The following EYS variants were observed in gnomAD, a reference collection of about 807,000 sequenced individuals.
EYS encodes protein eyes shut homolog.
Under a neutral mutation model 282.1 loss-of-function variants are expected in EYS, and 250 were observed. The ratio of observed to expected loss-of-function variants is 0.89; its 90% CI spans 0.80 to 0.98. The LOEUF (loss-of-function observed/expected upper bound fraction) is 0.98, where lower values mean the gene tolerates loss of function less well. Ranked by LOEUF, EYS falls within the 50% of genes least tolerant of loss-of-function variation. The probability of loss-of-function intolerance (pLI) is 0.00; values close to 1 mark genes in which losing one functional copy is unlikely to be tolerated. For synonymous variants in EYS, 1,355 were observed against 1,282.9 expected, an observed-to-expected ratio of 1.06 and a Z score of -1.20; for missense variants, 4,016 against 3,709.0, an observed-to-expected ratio of 1.08 and a Z score of -2.15.
chr6:64,347,560 T>C (rs1208903030), intron 29 of EYS, among the ~76,000 whole-genome samples: 1 of 149,670 alleles, frequency 6.7e-6, no homozygotes, highest in Non-Finnish European at 1.5e-5. Flanking sequence ...CATACTACTC[T>C]ATCTACTTAT....
chr6:64,488,903 G>T (rs1776653138), intron 26 of EYS, among the ~76,000 whole-genome samples: 1 of 150,862 alleles, frequency 6.6e-6, no homozygotes. Flanking sequence ...CTCGTAAAGT[G>T]ATTTGTATGG....
chr6:64,707,991 T>C (rs769052252), intron 22 of EYS, among the ~76,000 whole-genome samples: 6 of 151,988 alleles, frequency 3.9e-5, no homozygotes, highest in Non-Finnish European at 8.8e-5. Context: ...TGCATAAAAT[T>C]ATATAAAATA....
At chr6:65,333,748 C>CAT (rs542531237) in intron 11 of EYS, among the ~76,000 whole-genome samples, 30 of 151,524 alleles carry the variant, frequency 2.0e-4, no homozygotes, top group African/African-American at 3.1e-4. Context: ...TATACACACA[C>CAT]ATATATGTTT....
At chr6:65,067,899 G>C (rs1275171558) in intron 12 of EYS, among the ~76,000 whole-genome samples, 1 of 152,046 alleles carries the variant, frequency 6.6e-6, no homozygotes, top group Non-Finnish European at 1.5e-5. Context: ...GTTTCAGTAA[G>C]GGATATGCTT....
intron 22 of EYS, among the ~76,000 whole-genome samples, chr6:64,684,226 G>A (rs1770004608): frequency 1.3e-5 from 2 of 152,128 alleles, no homozygotes; most frequent in African/African-American, 4.8e-5. Flanking sequence ...GGAAGACAAT[G>A]AAATGATATC....
At chr6:65,284,208 G>T (rs1299471734) in intron 12 of EYS, among the ~76,000 whole-genome samples, 1 of 152,066 alleles carries the variant, frequency 6.6e-6, no homozygotes, top group Non-Finnish European at 1.5e-5. Flanking sequence ...GGAAGCTAAT[G>T]GCTACCAGAT....
chr6:64,036,266 TG>T (rs1280023619), intron 33 of EYS, among the ~76,000 whole-genome samples: 1 of 151,966 alleles, frequency 6.6e-6, no homozygotes, highest in African/African-American at 2.4e-5. Context: ...TTAAGGGTGA[TG>T]GAGTTTGGGT....
At chr6:65,091,627 G>A (rs1423121547) in intron 12 of EYS, among the ~76,000 whole-genome samples, 8 of 152,006 alleles carry the variant, frequency 5.3e-5, no homozygotes, top group South Asian at 2.1e-4. Flanking sequence ...TAATCTTCAC[G>A]TAGTTTGAGT....
chr6:65,624,823 A>C (rs1056253727), intron 2 of EYS, among the ~76,000 whole-genome samples: 1 of 152,180 alleles, frequency 6.6e-6, no homozygotes, highest in Non-Finnish European at 1.5e-5. Context: ...TTGGCCAGAG[A>C]CTAAAGATTG....
chr6:63,836,446 T>C (rs950463728), intron 36 of EYS, among the ~76,000 whole-genome samples: 2 of 151,932 alleles, frequency 1.3e-5, no homozygotes, highest in Non-Finnish European at 2.9e-5. Flanking sequence ...CACAGACTGT[T>C]CTAGGAGCAT....
intron 2 of EYS, among the ~76,000 whole-genome samples, chr6:65,618,822 T>C (rs1167670398): frequency 6.6e-6 from 1 of 152,172 alleles, no homozygotes; most frequent in Non-Finnish European, 1.5e-5. Context: ...CCTTTCCCCA[T>C]TGCTTGTTTT....
At chr6:65,060,365 G>C (rs1254521078) in intron 12 of EYS, among the ~76,000 whole-genome samples, 3 of 151,720 alleles carry the variant, frequency 2.0e-5, no homozygotes. Flanking sequence ...GACAGTCCAA[G>C]ATGATTCTAC....
chr6:64,149,110 C>G (rs116534381), intron 31 of EYS, among the ~76,000 whole-genome samples: 3,064 of 152,186 alleles, frequency 0.02, 80 homozygotes, highest in African/African-American at 0.061. Flanking sequence ...CATTTTTCAG[C>G]TTTTTCTAGT....
chr6:65,113,447 A>T (rs2150190457), intron 12 of EYS, among the ~76,000 whole-genome samples: 1 of 152,136 alleles, frequency 6.6e-6, no homozygotes, highest in South Asian at 2.1e-4. Flanking sequence ...CAGTCACATA[A>T]TAATGCTTTT....
chr6:65,048,554 T>G (rs538048959), intron 13 of EYS, among the ~76,000 whole-genome samples: 1 of 152,070 alleles, frequency 6.6e-6, no homozygotes, highest in Admixed American at 6.6e-5. Flanking sequence ...CCATTCCATA[T>G]ATACTTCTTT....
At chr6:64,380,103 T>C (rs866328772) in intron 29 of EYS, among the ~76,000 whole-genome samples, 1 of 110,628 alleles carries the variant, frequency 9.0e-6, no homozygotes, top group Non-Finnish European at 2.0e-5. Flanking sequence ...TTTGCTGATT[T>C]GCAACTTCAA....
At chr6:65,667,359 C>T (rs1768236286) in intron 1 of EYS, among the ~76,000 whole-genome samples, 1 of 151,774 alleles carries the variant, frequency 6.6e-6, no homozygotes, top group Non-Finnish European at 1.5e-5. Flanking sequence ...AAATTCATAC[C>T]ATTCTCTTTC....
chr6:64,469,475 G>A (rs1220738591), intron 26 of EYS, among the ~76,000 whole-genome samples: 2 of 152,012 alleles, frequency 1.3e-5, no homozygotes, highest in Admixed American at 6.5e-5. Flanking sequence ...AATCGTAACC[G>A]AGGAAAGGCC....
At chr6:64,627,265 T>C (rs1485063532) in intron 22 of EYS, among the ~76,000 whole-genome samples, 1 of 152,196 alleles carries the variant, frequency 6.6e-6, no homozygotes, top group Non-Finnish European at 1.5e-5. Flanking sequence ...AATTATATGA[T>C]AAATGCTATA....
Sources: gnomAD v4.1 joint callset for allele counts (sites outside exome capture counted in the v4.1 genomes callset) on GRCh38, gnomAD v4.1.1 for gene constraint, MANE v1.5 for transcripts, NCBI Gene and HGNC (gene_info 2026-07-23, HGNC 2026-07-21) for gene names.